The following RALYL variants were observed in gnomAD, a reference collection of about 807,000 sequenced individuals.
RALYL encodes the protein RALY RNA binding protein like, also known as RNA-binding Raly-like protein.
RALYL carries 29 observed loss-of-function variants against 35.1 expected under a neutral mutation model. The observed-to-expected ratio is 0.83, with a 90% CI of 0.61 to 1.13. The LOEUF (loss-of-function observed/expected upper bound fraction) is 1.13, where lower values mean the gene tolerates loss of function less well. Among genes scored for constraint, RALYL ranks in the 50% most tolerant of loss-of-function variants. RALYL has a pLI of 0.00. For missense variants in RALYL, 359 were observed against 360.4 expected, an observed-to-expected ratio of 1.00 and a Z score of 0.03; for synonymous variants, 120 against 127.6, an observed-to-expected ratio of 0.94 and a Z score of 0.40.
intron 2 of RALYL, among the ~76,000 whole-genome samples, chr8:84,673,282 TG>T (rs1443665787): frequency 1.2e-4 from 19 of 152,210 alleles, no homozygotes; most frequent in Admixed American, 4.6e-4. Context: ...CTTTGTCAGA[TG>T]GGTAAACTGC....
chr8:84,829,717 T>C (rs1039732169), intron 4 of RALYL, among the ~76,000 whole-genome samples: 7 of 152,180 alleles, frequency 4.6e-5, no homozygotes, highest in African/African-American at 1.4e-4. Flanking sequence ...TTATATTCTG[T>C]AAAGTCACAG....
At chr8:84,554,113 A>G (rs1222714278) in intron 2 of RALYL, among the ~76,000 whole-genome samples, 2 of 152,226 alleles carry the variant, frequency 1.3e-5, no homozygotes, top group Non-Finnish European at 2.9e-5. Flanking sequence ...CTTGATTGTC[A>G]TGATACAATA....
intron 1 of RALYL, among the ~76,000 whole-genome samples, chr8:84,421,920 C>G (rs2045670650): frequency 1.3e-5 from 2 of 151,046 alleles, no homozygotes; most frequent in Non-Finnish European, 3.0e-5. Flanking sequence ...GGTGGATAAG[C>G]TTTTTGATGT....
chr8:84,220,488 GA>G (rs1423262956), intron 1 of RALYL, among the ~76,000 whole-genome samples: 4 of 151,936 alleles, frequency 2.6e-5, no homozygotes, highest in African/African-American at 9.7e-5. Context: ...TCCTAGAAAT[GA>G]TTGACATAGG....
intron 1 of RALYL, among the ~76,000 whole-genome samples, chr8:84,423,801 A>T (rs1392543297): frequency 3.3e-5 from 5 of 149,898 alleles, no homozygotes; most frequent in East Asian, 2.0e-4. Context: ...TTTCTCCTTC[A>T]CTTATGAAGC....
intron 3 of RALYL, among the ~76,000 whole-genome samples, chr8:84,801,340 G>A (rs770188501): frequency 4.6e-5 from 7 of 152,002 alleles, no homozygotes; most frequent in East Asian, 1.9e-4. Flanking sequence ...ATGAACCATC[G>A]GCAACATTCT....
intron 1 of RALYL, among the ~76,000 whole-genome samples, chr8:84,248,977 T>G (rs1829667639): frequency 1.3e-5 from 2 of 152,076 alleles, no homozygotes; most frequent in South Asian, 4.1e-4. Flanking sequence ...TTTGTAGTCA[T>G]GGTTCTCTTT....
intron 1 of RALYL, among the ~76,000 whole-genome samples, chr8:84,515,839 C>A (rs1186191666): frequency 3.9e-5 from 6 of 152,100 alleles, no homozygotes; most frequent in African/African-American, 1.4e-4. Context: ...AGAAAGATTT[C>A]TCCTCTGGTA....
At chr8:84,281,801 G>GTA (rs958161614) in intron 1 of RALYL, among the ~76,000 whole-genome samples, 7 of 151,702 alleles carry the variant, frequency 4.6e-5, no homozygotes, top group African/African-American at 1.7e-4. Context: ...GTGTGTGTGT[G>GTA]TATATATATA....
At chr8:84,191,813 ATGATTAGCC>A (rs781121533) in intron 1 of RALYL, among the ~76,000 whole-genome samples, 4 of 152,206 alleles carry the variant, frequency 2.6e-5, no homozygotes, top group Non-Finnish European at 5.9e-5. Flanking sequence ...AGATAATTAA[ATGATTAGCC>A]TGCCTTTCTT....
At chr8:84,578,111 G>A (rs981748878) in intron 2 of RALYL, among the ~76,000 whole-genome samples, 2 of 152,220 alleles carry the variant, frequency 1.3e-5, no homozygotes, top group African/African-American at 4.8e-5. Context: ...GCACAGAGTG[G>A]CAAGGGGTGC....
At chr8:84,577,811 A>T (rs567285220) in intron 2 of RALYL, among the ~76,000 whole-genome samples, 1 of 152,352 alleles carries the variant, frequency 6.6e-6, no homozygotes, top group African/African-American at 2.4e-5. Context: ...TTGATTCATC[A>T]TATTTTTGTG....
chr8:84,490,025 T>C (rs1451234500), intron 1 of RALYL, among the ~76,000 whole-genome samples: 1 of 151,902 alleles, frequency 6.6e-6, no homozygotes, highest in Non-Finnish European at 1.5e-5. Flanking sequence ...CAATCAGATT[T>C]ACTTTTGTAA....
intron 2 of RALYL, among the ~76,000 whole-genome samples, chr8:84,575,061 A>T (rs190826245): frequency 6.6e-6 from 1 of 152,140 alleles, no homozygotes; most frequent in Non-Finnish European, 1.5e-5. Context: ...AGATTTTTGA[A>T]TTATAAAAGC....
At chr8:84,331,104 G>A (rs1288068065) in intron 1 of RALYL, among the ~76,000 whole-genome samples, 1 of 151,958 alleles carries the variant, frequency 6.6e-6, no homozygotes, top group Non-Finnish European at 1.5e-5. Flanking sequence ...CTGCTTATTG[G>A]AAATGTATAT....
chr8:84,789,983 G>A (rs1379432083), intron 3 of RALYL, among the ~76,000 whole-genome samples: 1 of 152,216 alleles, frequency 6.6e-6, no homozygotes, highest in Non-Finnish European at 1.5e-5. Flanking sequence ...AAAAGCAAAT[G>A]TATTATGTTT....
chr8:84,819,406 T>C (rs1378186780), intron 4 of RALYL, among the ~76,000 whole-genome samples: 1 of 152,214 alleles, frequency 6.6e-6, no homozygotes, highest in Non-Finnish European at 1.5e-5. Flanking sequence ...TCAATGACAC[T>C]TTTCTGTACT....
At position 84,489,119 on chromosome 8, in the gene RALYL, A is replaced by C. The variant is rs547742499; in HGVS notation, c.-23-40180A>C. On this transcript the variant is annotated intron_variant, in intron 1 of 8. Coordinates refer to ENST00000521268, the MANE Select transcript of RALYL (RefSeq NM_173848.7). ...TCTATCTTCAAGTGTTATATACTGTAGAGTTTCCTATCAAATATGAGCATA... is the reference window on the plus strand; with the variant it reads ...TCTATCTTCAAGTGTTATATACTGTCGAGTTTCCTATCAAATATGAGCATA... Among the ~76,000 whole-genome samples, 156 of 152,152 alleles carry C rather than the reference A, an allele frequency of 1.0e-3. 3 individuals are homozygous for C. The highest frequency in any genetic ancestry group is 0.01 in the Admixed American group (154 of 15,240).
At chr8:84,827,109 G>T (rs1401651123) in intron 4 of RALYL, among the ~76,000 whole-genome samples, 2 of 151,936 alleles carry the variant, frequency 1.3e-5, no homozygotes, top group Non-Finnish European at 2.9e-5. Context: ...TTTAATAAAA[G>T]TTTGAAATAT....
Sources: gnomAD v4.1 joint callset for allele counts (sites outside exome capture counted in the v4.1 genomes callset) on GRCh38, gnomAD v4.1.1 for gene constraint, MANE v1.5 for transcripts, NCBI Gene and HGNC (gene_info 2026-07-23, HGNC 2026-07-21) for gene names.